DLG2: variants seen among roughly 807,000 people sequenced by gnomAD.
DLG2 encodes discs large MAGUK scaffold protein 2.
Under a neutral mutation model 132.5 loss-of-function variants are expected in DLG2, and 45 were observed. The ratio of observed to expected loss-of-function variants is 0.34; its 90% CI spans 0.27 to 0.44. DLG2 has a LOEUF of 0.44. Among genes scored for constraint, DLG2 ranks in the 20% least tolerant of loss-of-function variants. The pLI is 1.00. For missense variants in DLG2, 1,045 were observed against 1,196.9 expected (o/e 0.87, Z 1.87); for synonymous variants, 424 against 419.6 (o/e 1.01, Z -0.13).
At chr11:84,789,486 T>A (rs540161010) in intron 6 of DLG2, among the ~76,000 whole-genome samples, 1 of 152,292 alleles carries the variant, frequency 6.6e-6, no homozygotes, top group South Asian at 2.1e-4. Context: ...AATGTAGTTA[T>A]GCAATACTTT....
chr11:83,610,056 T>C (rs1454366965), intron 19 of DLG2, among the ~76,000 whole-genome samples: 2 of 152,120 alleles, frequency 1.3e-5, no homozygotes, highest in Admixed American at 1.3e-4. Flanking sequence ...TCACACTAGG[T>C]AAAAATATTG....
chr11:84,458,425 A>C (rs1404523570), intron 7 of DLG2, among the ~76,000 whole-genome samples: 1 of 150,850 alleles, frequency 6.6e-6, no homozygotes, highest in African/African-American at 2.4e-5. Flanking sequence ...GTCACCTGGA[A>C]TATTGTCATA....
rs1023551880 is a variant in DLG2 at position 83,781,374 on chromosome 11, GA to G, written c.1825+5315del. On this transcript the variant is annotated intron_variant, in intron 18 of 27. Coordinates refer to ENST00000376104, the MANE Select transcript of DLG2 (RefSeq NM_001142699.3). ...TGGACTGAGGCATAATAAGTATCCA[GA>G]AAAAAAATACCTATTGATTGAATGA... Among the ~76,000 whole-genome samples the G allele has an allele frequency of 4.6e-5, 7 of 151,748 alleles. No homozygotes were observed. In the South Asian group the frequency reaches 8.3e-4, roughly 18 times the overall value.
At chr11:83,830,542 T>G (rs759854516) in intron 17 of DLG2, among the ~76,000 whole-genome samples, 1 of 152,248 alleles carries the variant, frequency 6.6e-6, no homozygotes, top group East Asian at 1.9e-4. Context: ...CTAAATTATT[T>G]ATGATAGTGA....
chr11:84,840,756 C>G (rs1005124596), intron 6 of DLG2, among the ~76,000 whole-genome samples: 1 of 151,972 alleles, frequency 6.6e-6, no homozygotes. Flanking sequence ...AAAGCAAACA[C>G]TACATGTTCT....
At chr11:84,387,910 C>G (rs1395228655) in intron 7 of DLG2, among the ~76,000 whole-genome samples, 2 of 152,160 alleles carry the variant, frequency 1.3e-5, no homozygotes, top group Non-Finnish European at 2.9e-5. Context: ...TGACTGGAAC[C>G]TTGTTGCCTT....
chr11:85,491,211 A>C (rs1597869247), intron 3 of DLG2, among the ~76,000 whole-genome samples: 1 of 152,148 alleles, frequency 6.6e-6, no homozygotes, highest in East Asian at 1.9e-4. Flanking sequence ...GCATTTGATA[A>C]AATTCAGCAT....
chr11:85,569,933 C>T (rs886972669), intron 3 of DLG2, among the ~76,000 whole-genome samples: 4 of 152,136 alleles, frequency 2.6e-5, no homozygotes, highest in African/African-American at 9.7e-5. Flanking sequence ...CACTCACATT[C>T]ATCACTCAGA....
At chr11:84,263,754 G>C (rs866648140) in intron 7 of DLG2, among the ~76,000 whole-genome samples, 2 of 152,072 alleles carry the variant, frequency 1.3e-5, no homozygotes, top group African/African-American at 4.8e-5. Context: ...TATACAGAAA[G>C]TCTTAAAATA....
chr11:84,858,610 C>T (rs2083117255), intron 6 of DLG2, among the ~76,000 whole-genome samples: 1 of 152,080 alleles, frequency 6.6e-6, no homozygotes, highest in South Asian at 2.1e-4. Context: ...ACTCCTGGCA[C>T]ATGGCAGGAT....
At chr11:85,398,417 A>G (rs1465770128) in intron 3 of DLG2, among the ~76,000 whole-genome samples, 1 of 152,210 alleles carries the variant, frequency 6.6e-6, no homozygotes, top group Non-Finnish European at 1.5e-5. Flanking sequence ...AAGGCAAGAA[A>G]TAACTAAGAT....
Position 84,396,036 on chromosome 11 carries a change from G to A in DLG2, c.519+138534C>T, listed in dbSNP as rs538196950. On this transcript the variant is annotated intron_variant, in intron 7 of 27. Coordinates refer to ENST00000376104, the MANE Select transcript of DLG2 (RefSeq NM_001142699.3). ...CAAACAATAAGAAGTCTAATAAAAG[G>A]TAGCCTGCTCTTAGATTTTGACCTG... Among the ~76,000 whole-genome samples, 23 of 152,300 alleles carry A rather than the reference G, an allele frequency of 1.5e-4. No homozygotes were observed. In the South Asian group the frequency reaches 4.4e-3, roughly 29 times the overall value.
chr11:84,419,791 C>T (rs2098942384), intron 7 of DLG2, among the ~76,000 whole-genome samples: 1 of 152,126 alleles, frequency 6.6e-6, no homozygotes, highest in South Asian at 2.1e-4. Flanking sequence ...TGACAAAAGG[C>T]TACCCATTTT....
chr11:84,246,069 C>T (rs371979245), intron 8 of DLG2, among the ~76,000 whole-genome samples: 48 of 152,286 alleles, frequency 3.2e-4, no homozygotes, highest in African/African-American at 1.2e-3. Flanking sequence ...ACCTCCTGGT[C>T]CCCAGAATGA....
intron 6 of DLG2, among the ~76,000 whole-genome samples, chr11:84,645,689 G>A (rs965043865): frequency 3.3e-5 from 5 of 152,090 alleles, no homozygotes; most frequent in Admixed American, 6.6e-5. Context: ...GGATGGTCTC[G>A]ATCTCCTGAC....
chr11:85,593,999 A>G (rs907322571), intron 3 of DLG2, among the ~76,000 whole-genome samples: 1 of 152,202 alleles, frequency 6.6e-6, no homozygotes, highest in Non-Finnish European at 1.5e-5. Context: ...GTATTTTTAA[A>G]AGAAGTGTTG....
At chr11:83,791,265 GTCCTCA>G (rs2041489492) in intron 17 of DLG2, 1 of 668,210 alleles carries the variant, frequency 1.5e-6, no homozygotes, top group African/African-American at 1.8e-5. Flanking sequence ...AGGAGAAGGT[GTCCTCA>G]TCGGCAGAGC....
intron 18 of DLG2, among the ~76,000 whole-genome samples, chr11:83,757,198 C>T (rs1224060681): frequency 6.6e-6 from 1 of 152,156 alleles, no homozygotes; most frequent in African/African-American, 2.4e-5. Flanking sequence ...AACAACTTTC[C>T]CAAGGTCAGC....
Position 85,024,973 on chromosome 11 carries a change from TC to T in DLG2, c.357+86687del, listed in dbSNP as rs2060393879. On this transcript the variant is annotated intron_variant, in intron 6 of 27. Coordinates refer to ENST00000376104, the MANE Select transcript of DLG2 (RefSeq NM_001142699.3). ...AATATTCCATTGATTGGCAAAATAA[TC>T]CTCATTCAGCTCTATTAATTTATTA... is the stretch of plus-strand genomic sequence containing the variant. 3.3e-5 allele frequency among the ~76,000 whole-genome samples: 5 copies of T among 152,164 alleles called. No individual in the cohort carries two copies. In the South Asian group the frequency reaches 1.0e-3, roughly 31 times the overall value.
Sources: allele counts gnomAD v4.1 joint callset (sites outside exome capture counted in the v4.1 genomes callset), GRCh38; gene constraint gnomAD v4.1.1; transcripts MANE v1.5; gene names NCBI Gene and HGNC (gene_info 2026-07-23, HGNC 2026-07-21).